The following AGO2 variants were observed in gnomAD, a reference collection of about 807,000 sequenced individuals.
The protein encoded by AGO2 is argonaute RISC catalytic component 2, also known as protein argonaute-2.
A neutral mutation model predicts 102.3 loss-of-function variants in AGO2; 5 were observed. That is an observed-to-expected ratio of 0.05 (90% CI 0.03 to 0.10). The LOEUF is 0.10. AGO2 is among the 10% of genes least tolerant of loss of function. The pLI, the probability that AGO2 is intolerant of heterozygous loss-of-function variation, is 1.00. For missense variants in AGO2, 541 were observed against 1,183.7 expected (o/e 0.46, Z 7.97); for synonymous variants, 449 against 473.1 (o/e 0.95, Z 0.66).
chr8:140,598,203 A>T lies in AGO2; in HGVS notation c.23-12892T>A, dbSNP rs74895577. Among the ~76,000 whole-genome samples the T allele has an allele frequency of 3.4e-3, 525 of 152,352 alleles. 27 individuals are homozygous for T. The East Asian group carries it at 0.084, about 24-fold the overall frequency. ...AAGAGCGTCCACGACCCGTATGGGA[A>T]GATGTCTGAACCCCGAGACGGCGTG... is the stretch of plus-strand genomic sequence containing the variant. On this transcript the variant is annotated intron_variant, in intron 1 of 18. Coordinates refer to ENST00000220592, the MANE Select transcript of AGO2 (RefSeq NM_012154.5).
At chr8:140,605,340 G>T (rs2073983903) in intron 1 of AGO2, among the ~76,000 whole-genome samples, 1 of 152,190 alleles carries the variant, frequency 6.6e-6, no homozygotes, top group African/African-American at 2.4e-5. Context: ...TAAGCAATCT[G>T]CCTGCGTCAG....
At chr8:140,599,201 C>T (rs534376768) in intron 1 of AGO2, among the ~76,000 whole-genome samples, 1 of 152,334 alleles carries the variant, frequency 6.6e-6, no homozygotes, top group South Asian at 2.1e-4. Flanking sequence ...TCTGCCATCC[C>T]ACTGACAGGC....
chr8:140,621,247 C>T (rs1006457878), intron 1 of AGO2, among the ~76,000 whole-genome samples: 4 of 152,222 alleles, frequency 2.6e-5, no homozygotes, highest in Non-Finnish European at 4.4e-5. Context: ...GATGGCCGTT[C>T]CCTGGCAGCC....
At chr8:140,575,220 G>A (rs1301801493) in intron 2 of AGO2, among the ~76,000 whole-genome samples, 1 of 152,120 alleles carries the variant, frequency 6.6e-6, no homozygotes, top group African/African-American at 2.4e-5. Context: ...CTACCTGGCA[G>A]CCACGGCACA....
intron 2 of AGO2, among the ~76,000 whole-genome samples, chr8:140,573,516 G>A (rs2073418297): frequency 6.6e-6 from 1 of 152,112 alleles, no homozygotes; most frequent in African/African-American, 2.4e-5. Context: ...CAAGACCTGT[G>A]GCTCCTTTGG....
chr8:140,620,329 T>C (rs1240492577), intron 1 of AGO2, among the ~76,000 whole-genome samples: 2 of 152,158 alleles, frequency 1.3e-5, no homozygotes, highest in African/African-American at 4.8e-5. Context: ...GACGAGATGA[T>C]GGCAACAGGG....
At chr8:140,559,570 G>C in intron 5 of AGO2, 41 bp from the exon 6 acceptor site, 1 of 1,611,358 alleles carries the variant, frequency 6.2e-7, no homozygotes, top group Non-Finnish European at 8.5e-7. Context: ...GCATGACTGT[G>C]GGGCTGCTGG....
intron 3 of AGO2, among the ~76,000 whole-genome samples, chr8:140,564,411 T>C (rs1379704770): frequency 6.6e-6 from 1 of 152,160 alleles, no homozygotes; most frequent in Non-Finnish European, 1.5e-5. Context: ...TTTAAATAAA[T>C]GTACATAGCT....
intron 1 of AGO2, among the ~76,000 whole-genome samples, chr8:140,615,476 A>G (rs2074130349): frequency 6.6e-6 from 1 of 152,212 alleles, no homozygotes; most frequent in African/African-American, 2.4e-5. Flanking sequence ...CCCGGCACAC[A>G]GCCCGCTCAG....
At chr8:140,572,593 C>G (rs994842125) in intron 3 of AGO2, 3 of 519,246 alleles carry the variant, frequency 5.8e-6, no homozygotes, top group Non-Finnish European at 9.4e-6. Flanking sequence ...TCTCGATATC[C>G]GTGTCTGGAC....
chr8:140,578,903 T>C (rs750594533), intron 2 of AGO2, among the ~76,000 whole-genome samples: 45 of 152,398 alleles, frequency 3.0e-4, no homozygotes, highest in Non-Finnish European at 5.3e-4. Flanking sequence ...TTTGCCCTTT[T>C]GTCATAATTC....
At chr8:140,547,397 C>T (rs1385521020) in intron 13 of AGO2, 71 bp downstream of exon 13, 2 of 1,565,124 alleles carry the variant, frequency 1.3e-6, no homozygotes, top group Non-Finnish European at 1.7e-6. Flanking sequence ...CCCCTGCATA[C>T]TGCACCCCAC....
At chr8:140,543,192 AAAC>A (rs139491908) in intron 14 of AGO2, among the ~76,000 whole-genome samples, 7 of 151,680 alleles carry the variant, frequency 4.6e-5, no homozygotes, top group South Asian at 2.1e-4. Context: ...AAAACCCACA[AAAC>A]AACAACAACA....
rs1417755203 is a variant in AGO2 at position 140,529,182 on chromosome 8, GC to G, written c.*2861del. 6.6e-6 allele frequency: 1 copy of G among 152,198 alleles called. No homozygotes were observed. Among genetic ancestry groups the G allele is most frequent in the Non-Finnish European group, 1.5e-5 (1 of 68,060 alleles). 9.4% of individuals were successfully genotyped at this position (152,198 alleles called of 1,614,324 possible). A position where few individuals can be genotyped will look rare whatever the true frequency, so the allele number is the denominator to read the frequency against. ...GTGGGCACCCCTCAAATCTTGACAGGCCCAGGGGGGCAGCAGTGGACAGGGA... is the reference window on the plus strand; with the variant it reads ...GTGGGCACCCCTCAAATCTTGACAGGCCAGGGGGGCAGCAGTGGACAGGGA... On this transcript the variant is annotated 3_prime_UTR_variant, in exon 19 of 19. Transcript: ENST00000220592.
chr8:140,621,286 T>C (rs751131721), intron 1 of AGO2, among the ~76,000 whole-genome samples: 2 of 152,194 alleles, frequency 1.3e-5, no homozygotes, highest in Non-Finnish European at 2.9e-5. Flanking sequence ...CGACACCCCA[T>C]GCTCCAGGCC....
chr8:140,576,856 C>T (rs2073473029), intron 2 of AGO2, among the ~76,000 whole-genome samples: 2 of 152,168 alleles, frequency 1.3e-5, no homozygotes, highest in African/African-American at 4.8e-5. Context: ...TGATGCCACA[C>T]CCGCACAATG....
chr8:140,551,390 T>C lies in AGO2; in HGVS notation c.1316A>G (p.Asn439Ser). 6.3e-7 allele frequency: 1 copy of C among 1,597,314 alleles called. No individual in the cohort carries two copies. Among genetic ancestry groups the C allele is most frequent in the Non-Finnish European group, 8.6e-7 (1 of 1,169,098 alleles). The change falls in exon 11 of 19, where the codon AAC (asparagine) becomes AGC (serine). Residue 439 changes from asparagine (N) to serine (S), a missense_variant. Transcript: ENST00000220592. ...CTCGATGCCCGTGTGGAACTGCTTG[T>C]TCCGCATGTCCCAGACGCCCTGGAC... ...TPVQGVWDMR[N>S]KQFHTGIEIK...
At chr8:140,559,317 C>A (rs1319901213) in intron 6 of AGO2, 78 bp downstream of exon 6, 4 of 1,563,984 alleles carry the variant, frequency 2.6e-6, no homozygotes, top group Non-Finnish European at 3.5e-6. Context: ...AGAACCAGAA[C>A]TGCAAAATGC....
rs2074397774 is a variant in AGO2 at position 140,635,557 on chromosome 8, ACGGGCCCCGACGCCG to A, written c.-66_-52del. ...GCCGAGGGGCGGCCGCGCGCGCGCC[ACGGGCCCCGACGCCG>A]CGAGCCGCGAGGGAGCCGCCGGCCG... On this transcript the variant is annotated 5_prime_UTR_variant, in exon 1 of 19. Transcript: ENST00000220592. 3.1e-6 allele frequency: 3 copies of A among 969,974 alleles called. No individual in the cohort carries two copies. The African/African-American group carries it at 5.4e-5, about 18-fold the overall frequency. 60.1% of individuals were successfully genotyped at this position (969,974 alleles called of 1,614,324 possible).
Sources: gnomAD v4.1 joint callset for allele counts (sites outside exome capture counted in the v4.1 genomes callset) on GRCh38, gnomAD v4.1.1 for gene constraint, MANE v1.5 for transcripts, NCBI Gene and HGNC (gene_info 2026-07-23, HGNC 2026-07-21) for gene names.